The following DNAJC10 variants were observed in gnomAD, a reference collection of about 807,000 sequenced individuals.
DNAJC10 encodes the protein endoplasmic reticulum disulfide reductase DNAJC10.
A neutral mutation model predicts 115.0 loss-of-function variants in DNAJC10; 101 were observed. That is an observed-to-expected ratio of 0.88 (90% CI 0.75 to 1.04). The LOEUF (loss-of-function observed/expected upper bound fraction) is 1.04, where lower values mean the gene tolerates loss of function less well. Ranked by LOEUF, DNAJC10 falls within the 50% of genes least tolerant of loss-of-function variation. DNAJC10 has a pLI of 0.00. For missense variants in DNAJC10, 981 were observed against 928.8 expected, an observed-to-expected ratio of 1.06 and a Z score of -0.73; for synonymous variants, 307 against 301.5, an observed-to-expected ratio of 1.02 and a Z score of -0.19.
Position 182,788,508 on chromosome 2 carries a change from A to G in DNAJC10, c.*11376A>G, listed in dbSNP as rs1694990893. ...AAAATAGGAGAAAATGGGAGTAAAA[A>G]CAAAATGTATAAAAAGTATTAAAAT... is the stretch of plus-strand genomic sequence containing the variant. On this transcript the variant is annotated 3_prime_UTR_variant, in exon 24 of 24. Coordinates refer to ENST00000264065, the MANE Select transcript of DNAJC10 (RefSeq NM_018981.4). 5.0e-6 allele frequency: 1 copy of G among 201,658 alleles called. No homozygotes were observed. Among genetic ancestry groups the G allele is most frequent in the African/African-American group, 2.4e-5 (1 of 42,158 alleles). The allele number at this position is 201,658 out of a possible 1,614,324, so 12.5% of individuals were successfully genotyped here.
At chr2:182,771,459 G>A (rs576606643) in intron 22 of DNAJC10, among the ~76,000 whole-genome samples, 21 of 152,222 alleles carry the variant, frequency 1.4e-4, no homozygotes, top group Non-Finnish European at 2.9e-4. Context: ...TCTGGTCCTG[G>A]ACTTTTTTTG....
intron 4 of DNAJC10, 48 bp downstream of exon 4, chr2:182,720,217 A>G: frequency 2.0e-6 from 3 of 1,466,302 alleles, no homozygotes; most frequent in South Asian, 2.4e-5. Context: ...TCTGAGTAAA[A>G]GAAAAGTGAA....
chr2:182,785,356 T>TA lies in DNAJC10; in HGVS notation c.*8226dup, dbSNP rs1479142814. 6.6e-6 allele frequency: 1 copy of TA among 152,070 alleles called. No individual in the cohort carries two copies. The highest frequency in any genetic ancestry group is 6.6e-5 in the Admixed American group (1 of 15,246). The allele number at this position is 152,070 out of a possible 1,614,324, so 9.4% of individuals were successfully genotyped here. A position where few individuals can be genotyped will look rare whatever the true frequency, so the allele number is the denominator to read the frequency against. On this transcript the variant is annotated 3_prime_UTR_variant, in exon 24 of 24. Coordinates refer to ENST00000264065, the MANE Select transcript of DNAJC10 (RefSeq NM_018981.4). ...GGGCTTTTAGTACTCCTTTGTGAAA[T>TA]AAGACACATAGTCTTCAGGTAAAAA...
At chr2:182,719,500 C>T (rs1420783624) in intron 3 of DNAJC10, among the ~76,000 whole-genome samples, 1 of 151,810 alleles carries the variant, frequency 6.6e-6, no homozygotes, top group Non-Finnish European at 1.5e-5. Flanking sequence ...AATGATCCAC[C>T]CTCCTCAGTC....
chr2:182,779,218 T>C lies in DNAJC10; in HGVS notation c.*2086T>C, dbSNP rs1175687507. On this transcript the variant is annotated 3_prime_UTR_variant, in exon 24 of 24. Transcript: ENST00000264065. The stretch of plus-strand genomic sequence containing the variant: ...AGTGACATACATCAAGGTTATCTTA[T>C]ATAGTCATAACAGTATTATTGGGTC... 6.6e-6 allele frequency: 1 copy of C among 152,206 alleles called. No homozygotes were observed. The highest frequency in any genetic ancestry group is 6.6e-5 in the Admixed American group (1 of 15,266). 9.4% of individuals were successfully genotyped at this position (152,206 alleles called of 1,614,324 possible). A position where few individuals can be genotyped will look rare whatever the true frequency, so the allele number is the denominator to read the frequency against.
intron 9 of DNAJC10, among the ~76,000 whole-genome samples, chr2:182,731,594 A>C (rs561466723): frequency 2.0e-5 from 3 of 152,288 alleles, no homozygotes; most frequent in Admixed American, 2.0e-4. Context: ...AGTACTCTGC[A>C]TAGCAAGCCG....
chr2:182,764,433 A>G (rs1372563353), intron 22 of DNAJC10, among the ~76,000 whole-genome samples: 4 of 152,142 alleles, frequency 2.6e-5, no homozygotes, highest in Non-Finnish European at 5.9e-5. Context: ...TTTTTCAAGT[A>G]TGAGACAATG....
intron 5 of DNAJC10, among the ~76,000 whole-genome samples, chr2:182,724,633 C>A (rs438248): frequency 0.65 from 98,454 of 151,924 alleles, 32,238 homozygotes; most frequent in Middle Eastern, 0.73. Context: ...TAATCTGTAC[C>A]TTACAGGCAA....
chr2:182,751,266 C>G (rs1162154349), intron 14 of DNAJC10, among the ~76,000 whole-genome samples: 1 of 148,712 alleles, frequency 6.7e-6, no homozygotes, highest in Non-Finnish European at 1.5e-5. Context: ...TCCTGAGTAG[C>G]TGGGACTACA....
intron 22 of DNAJC10, among the ~76,000 whole-genome samples, chr2:182,774,585 AC>A (rs1280580644): frequency 6.6e-6 from 1 of 152,116 alleles, no homozygotes; most frequent in African/African-American, 2.4e-5. Context: ...CCAGGCTACC[AC>A]CTCACAGTTC....
chr2:182,731,065 G>A lies in DNAJC10; in HGVS notation c.763G>A (p.Ala255Thr), dbSNP rs781339561. 1 of 1,612,764 alleles carries A rather than the reference G, an allele frequency of 6.2e-7. No individual in the cohort carries two copies. Among genetic ancestry groups the A allele is most frequent in the South Asian group, 1.1e-5 (1 of 90,806 alleles). The stretch of plus-strand genomic sequence containing the variant: ...CAACTCCATACAAACTGCTTTTGCT[G>A]CTGGTATTGGCTGGCTGATCACTTT... ...FVNSIQTAFA[A>T]GIGWLITFCS... The change falls in exon 9 of 24, where the codon GCT becomes ACT. Residue 255 changes from alanine to threonine, a missense_variant. Physicochemically the swap from Ala to Thr is moderately conservative, Grantham distance 58. Transcript: ENST00000264065.
At chr2:182,770,878 A>G (rs1343555154) in intron 22 of DNAJC10, among the ~76,000 whole-genome samples, 1 of 152,042 alleles carries the variant, frequency 6.6e-6, no homozygotes, top group Non-Finnish European at 1.5e-5. Flanking sequence ...GCGTCCTTGT[A>G]TTGTGCTGGT....
chr2:182,733,567 A>G (rs1217755657), intron 10 of DNAJC10, among the ~76,000 whole-genome samples: 1 of 151,530 alleles, frequency 6.6e-6, no homozygotes, highest in African/African-American at 2.4e-5. Context: ...TTTCCTTTCC[A>G]GTAAAGTCTG....
rs1694772315 is a variant in DNAJC10, at chr2:182,778,705, T to C, written c.*1573T>C. 1 of 152,234 alleles carries C rather than the reference T, an allele frequency of 6.6e-6. No homozygotes were observed. The allele number at this position is 152,234 out of a possible 1,614,324, so 9.4% of individuals were successfully genotyped here. ...CTCTGTCTGGATTCTGCTGTATGCC[T>C]GTTGGCATATATGGAACAGTCACCA... On this transcript the variant is annotated 3_prime_UTR_variant, in exon 24 of 24. Transcript: ENST00000264065.
At position 182,752,118 on chromosome 2, in the gene DNAJC10, C is replaced by A; in HGVS notation, c.1481C>A (p.Ser494Ter). ...TTACTACCAGAGTTACGAAGAGCAT[C>A]AAATCTTCTTTATGGTCAGCTTAAG... ...RALLPELRRA[S>*]NLLYGQLKFG... Residue 494 changes from serine to a stop codon, truncating the protein, a stop_gained, in exon 16 of 24, where the codon TCA (serine) becomes TAA (stop). Coordinates refer to ENST00000264065, the MANE Select transcript of DNAJC10 (RefSeq NM_018981.4). LOFTEE classifies it high-confidence loss of function. 6.2e-7 allele frequency: 1 copy of A among 1,613,626 alleles called. No individual in the cohort carries two copies. The highest frequency in any genetic ancestry group is 1.1e-5 in the South Asian group (1 of 91,024).
chr2:182,792,085 C>T lies in DNAJC10; in HGVS notation c.*14953C>T, dbSNP rs975237403. The T allele has an allele frequency of 3.3e-5, 5 of 152,138 alleles. No homozygotes were observed. The highest frequency in any genetic ancestry group is 1.2e-4 in the African/African-American group (5 of 41,434). 9.4% of individuals were successfully genotyped at this position (152,138 alleles called of 1,614,324 possible). ...CAAAGCCAGGACACAATCTTGTTCACTTTTCATGCCATCATCTTGACACTC... is the reference window on the plus strand; with the variant it reads ...CAAAGCCAGGACACAATCTTGTTCATTTTTCATGCCATCATCTTGACACTC... On this transcript the variant is annotated 3_prime_UTR_variant, in exon 24 of 24. Transcript: ENST00000264065.
At chr2:182,773,918 T>G (rs1038940879) in intron 22 of DNAJC10, among the ~76,000 whole-genome samples, 4 of 152,198 alleles carry the variant, frequency 2.6e-5, no homozygotes, top group East Asian at 1.9e-4. Context: ...GCGCTCTGAT[T>G]TTTAGAATTT....
At chr2:182,743,456 C>G in intron 13 of DNAJC10, 142 bp from the exon 14 acceptor site, 1 of 602,638 alleles carries the variant, frequency 1.7e-6, no homozygotes, top group South Asian at 2.1e-5. Flanking sequence ...TGAATTATTT[C>G]TGTCTCTTAT....
At chr2:182,737,725 A>AT (rs1405504416) in intron 11 of DNAJC10, among the ~76,000 whole-genome samples, 2 of 152,192 alleles carry the variant, frequency 1.3e-5, no homozygotes, top group Non-Finnish European at 2.9e-5. Context: ...CTATAACCAT[A>AT]TTCCCAATAT....
Sources: gnomAD v4.1 joint callset for allele counts (sites outside exome capture counted in the v4.1 genomes callset) on GRCh38, gnomAD v4.1.1 for gene constraint, MANE v1.5 for transcripts, NCBI Gene and HGNC (gene_info 2026-07-23, HGNC 2026-07-21) for gene names.